The following MYO18B variants were observed in gnomAD, a reference collection of about 807,000 sequenced individuals.
The protein encoded by MYO18B is myosin XVIIIB.
Under a neutral mutation model 273.0 loss-of-function variants are expected in MYO18B, and 204 were observed. The ratio of observed to expected loss-of-function variants is 0.75; its 90% confidence interval spans 0.67 to 0.84. The LOEUF (loss-of-function observed/expected upper bound fraction) is 0.84. MYO18B is among the 40% of genes least tolerant of loss of function. The pLI, the probability that MYO18B is intolerant of heterozygous loss-of-function variation, is 0.00. For missense variants in MYO18B, 3,212 were observed against 3,287.6 expected, an observed-to-expected ratio of 0.98 and a Z score of 0.56; for synonymous variants, 1,330 against 1,305.7, an observed-to-expected ratio of 1.02 and a Z score of -0.40.
intron 31 of MYO18B, among the ~76,000 whole-genome samples, chr22:25,908,071 A>G (rs1296008482): frequency 6.6e-6 from 1 of 150,844 alleles, no homozygotes; most frequent in Non-Finnish European, 1.5e-5. Flanking sequence ...AAGGATTCTG[A>G]GGCTGCTTCT....
intron 38 of MYO18B, among the ~76,000 whole-genome samples, chr22:25,954,598 C>G (rs1405637745): frequency 6.6e-6 from 1 of 152,150 alleles, no homozygotes; most frequent in African/African-American, 2.4e-5. Flanking sequence ...CCATAACGTG[C>G]CCAAGGTCAC....
chr22:25,881,092 A>G (rs959003466), intron 25 of MYO18B, among the ~76,000 whole-genome samples: 1 of 152,124 alleles, frequency 6.6e-6, no homozygotes, highest in Non-Finnish European at 1.5e-5. Flanking sequence ...AACAGAACCT[A>G]CTCTTCTTCC....
intron 42 of MYO18B, among the ~76,000 whole-genome samples, chr22:26,013,782 A>G (rs1202826029): frequency 6.6e-6 from 1 of 152,206 alleles, no homozygotes; most frequent in Non-Finnish European, 1.5e-5. Flanking sequence ...TTATATGCTT[A>G]TATCTTCATT....
rs374273710 is a variant in MYO18B at position 25,768,261 on chromosome 22, C to T, written c.345C>T (p.Pro115=). Residue 115 remains proline, a synonymous_variant, in exon 4 of 44, where the codon CCC becomes CCT. Transcript: ENST00000335473. ...AGGAGAGCGAGGGGTCCCGCAGCCCCGACCCTGAGCAGATGACAAGCATCA... is the reference window on the plus strand; with the variant it reads ...AGGAGAGCGAGGGGTCCCGCAGCCCTGACCCTGAGCAGATGACAAGCATCA... ...LGKESEGSRS[P]DPEQMTSING... The T allele has an allele frequency of 1.3e-5, 21 of 1,613,844 alleles. No individual in the cohort carries two copies. Among genetic ancestry groups the T allele is most frequent in the South Asian group, 2.2e-5 (2 of 91,070 alleles).
At chr22:25,896,168 C>T (rs945881249) in intron 28 of MYO18B, 2 of 152,108 alleles carry the variant, frequency 1.3e-5, no homozygotes, top group Non-Finnish European at 2.9e-5. Context: ...TAAAAATTGT[C>T]AATTGGATCT....
intron 34 of MYO18B, among the ~76,000 whole-genome samples, chr22:25,934,449 C>G (rs2092550977): frequency 6.6e-6 from 1 of 152,160 alleles, no homozygotes; most frequent in South Asian, 2.1e-4. Context: ...ATGGCCAAGA[C>G]TCTGTGAACC....
intron 42 of MYO18B, among the ~76,000 whole-genome samples, chr22:26,006,739 A>G (rs1160087542): frequency 1.3e-5 from 2 of 152,130 alleles, no homozygotes; most frequent in South Asian, 4.1e-4. Flanking sequence ...TCCCGAGTAA[A>G]TCATGATTGT....
At chr22:25,813,174 C>T (rs991644494) in intron 12 of MYO18B, among the ~76,000 whole-genome samples, 1 of 136,500 alleles carries the variant, frequency 7.3e-6, no homozygotes, top group Non-Finnish European at 1.5e-5. Flanking sequence ...TCTTCTTCCT[C>T]TTCTTCTTCC....
chr22:25,805,875 C>G (rs1351455367), intron 12 of MYO18B, among the ~76,000 whole-genome samples: 2 of 152,218 alleles, frequency 1.3e-5, no homozygotes, highest in Non-Finnish European at 2.9e-5. Context: ...ATTCGAAAGT[C>G]ACTGCCCCCA....
chr22:25,874,298 G>A lies in MYO18B; in HGVS notation c.3964G>A (p.Ala1322Thr). Residue 1322 changes from alanine (A) to threonine (T), a missense_variant, in exon 23 of 44, where the codon GCA (alanine) becomes ACA (threonine). Coordinates refer to ENST00000335473, the MANE Select transcript of MYO18B (RefSeq NM_032608.7). ...AVGHSQVFLK[A>T]GVISRLEKQR... ...TCCCTCTCCCCAGGTTTTTCTCAAG[G>A]CAGGTGTGATCTCCAGGCTTGAGAA... The A allele has an allele frequency of 1.2e-6, 2 of 1,613,872 alleles. No individual in the cohort carries two copies. Among genetic ancestry groups the A allele is most frequent in the Non-Finnish European group, 1.7e-6 (2 of 1,179,852 alleles).
At chr22:25,878,080 G>A (rs1263888152) in intron 25 of MYO18B, 32 bp downstream of exon 25, 3 of 1,522,898 alleles carry the variant, frequency 2.0e-6, no homozygotes, top group Middle Eastern at 3.4e-4. Flanking sequence ...GGTCCTTGTG[G>A]GGGGTCTTTA....
chr22:25,830,847 C>T (rs952774906), intron 15 of MYO18B, among the ~76,000 whole-genome samples: 18 of 152,284 alleles, frequency 1.2e-4, no homozygotes, highest in Admixed American at 2.6e-4. Flanking sequence ...TGCAGAGAAC[C>T]AGGGTTGTTT....
At chr22:25,779,603 C>T (rs1012838875) in intron 8 of MYO18B, among the ~76,000 whole-genome samples, 3 of 152,202 alleles carry the variant, frequency 2.0e-5, no homozygotes, top group Non-Finnish European at 2.9e-5. Flanking sequence ...TATCGAGGTG[C>T]TTAGCACAGT....
intron 21 of MYO18B, among the ~76,000 whole-genome samples, chr22:25,856,838 A>T (rs1391132811): frequency 1.3e-5 from 2 of 152,156 alleles, no homozygotes; most frequent in Non-Finnish European, 1.5e-5. Context: ...GTGTTCAGTG[A>T]TGCTCCTCTG....
At chr22:25,902,154 C>T (rs966210794) in intron 29 of MYO18B, among the ~76,000 whole-genome samples, 2 of 152,116 alleles carry the variant, frequency 1.3e-5, no homozygotes, top group Non-Finnish European at 1.5e-5. Context: ...AAAATATATC[C>T]TTTATTCTAT....
chr22:25,836,701 C>T (rs2089911513), intron 17 of MYO18B, among the ~76,000 whole-genome samples: 1 of 152,064 alleles, frequency 6.6e-6, no homozygotes, highest in Admixed American at 6.6e-5. Context: ...TGGCTCACGC[C>T]TGTAATCACA....
At position 25,772,452 on chromosome 22, in the gene MYO18B, C is replaced by T; in HGVS notation, c.1811C>T (p.Thr604Ile). The change falls in exon 7 of 44, where the codon ACA becomes ATA. Residue 604 changes from threonine (T) to isoleucine (I), a missense_variant. By Grantham distance (89) the Thr-to-Ile change is moderately conservative (BLOSUM62 -1). Coordinates refer to ENST00000335473, the MANE Select transcript of MYO18B (RefSeq NM_032608.7). ...RYKAQLLHTC[T>I]GPDLIVLQPR... is the part of the protein sequence containing the mutation. ...AAAGCTCAGCTGCTGCACACCTGCA[C>T]AGGGCCTGATCTGATTGTCCTCCAG... The T allele has an allele frequency of 1.2e-6, 2 of 1,614,044 alleles. No individual in the cohort carries two copies. The highest frequency in any genetic ancestry group is 1.7e-6 in the Non-Finnish European group (2 of 1,179,890).
In MYO18B at chr22:25,797,990, A is replaced by G. The variant is rs751761694; in HGVS notation, c.2414A>G (p.Gln805Arg). The G allele has an allele frequency of 1.9e-6, 3 of 1,613,962 alleles. No individual in the cohort carries two copies. The highest frequency in any genetic ancestry group is 1.1e-5 in the South Asian group (1 of 91,082). The change falls in exon 12 of 44, where the codon CAG (glutamine) becomes CGG (arginine). Residue 805 changes from glutamine (Q) to arginine (R), a missense_variant. Coordinates refer to ENST00000335473, the MANE Select transcript of MYO18B (RefSeq NM_032608.7). Reference sequence around the variant, plus strand: ...CAGAAGGCGGCAGCTGCCTTTGCCCAGCTCCAGGGTGCCATGGAGATGCTC... The same window carrying G: ...CAGAAGGCGGCAGCTGCCTTTGCCCGGCTCCAGGGTGCCATGGAGATGCTC... ...DKQKAAAAFA[Q>R]LQGAMEMLGI...
chr22:26,031,519 C>T (rs1448313923), downstream of MYO18B, among the ~76,000 whole-genome samples: 1 of 152,146 alleles, frequency 6.6e-6, no homozygotes, highest in Admixed American at 6.5e-5. Flanking sequence ...ATAGGGTCTG[C>T]CCTAATGACC....
Sources: allele counts gnomAD v4.1 joint callset (sites outside exome capture counted in the v4.1 genomes callset), GRCh38; gene constraint gnomAD v4.1.1; transcripts MANE v1.5; gene names NCBI Gene and HGNC (gene_info 2026-07-23, HGNC 2026-07-21).